PALS2: variants seen among roughly 807,000 people sequenced by gnomAD.
PALS2 encodes protein PALS2.
In PALS2, 27 loss-of-function variants were observed where a neutral mutation model predicts 61.6. The observed-to-expected ratio is 0.44, with a 90% confidence interval of 0.32 to 0.60. The LOEUF (loss-of-function observed/expected upper bound fraction) is 0.60, where lower values mean the gene tolerates loss of function less well. PALS2 is among the 20% of genes least tolerant of loss of function. The pLI is 0.05. For synonymous variants in PALS2, 236 were observed against 218.6 expected (o/e 1.08, Z -0.70); for missense variants, 554 against 639.4 (o/e 0.87, Z 1.44).
intron 5 of PALS2, among the ~76,000 whole-genome samples, chr7:24,662,275 CTAA>C (rs1458098662): frequency 4.6e-5 from 7 of 152,082 alleles, no homozygotes; most frequent in Admixed American, 2.0e-4. Flanking sequence ...TTTTACCACA[CTAA>C]TAATATAATA....
chr7:24,675,074 G>A, intron 9 of PALS2, among the ~76,000 whole-genome samples: 1 of 152,208 alleles, frequency 6.6e-6, no homozygotes, highest in African/African-American at 2.4e-5. Flanking sequence ...TTAAATATGT[G>A]GCAACGTAGA....
At chr7:24,617,860 C>G (rs1183055197) in intron 1 of PALS2, among the ~76,000 whole-genome samples, 1 of 152,116 alleles carries the variant, frequency 6.6e-6, no homozygotes, top group African/African-American at 2.4e-5. Flanking sequence ...GGCTTGGAGA[C>G]ACAATGCCTG....
intron 9 of PALS2, among the ~76,000 whole-genome samples, chr7:24,673,180 T>C (rs776291453): frequency 2.0e-5 from 3 of 152,204 alleles, no homozygotes; most frequent in Non-Finnish European, 4.4e-5. Context: ...TTTATTGTCT[T>C]CTATTGATAG....
At chr7:24,601,935 G>A (rs1016707906) in intron 1 of PALS2, among the ~76,000 whole-genome samples, 19 of 151,896 alleles carry the variant, frequency 1.3e-4, no homozygotes, top group Admixed American at 4.6e-4. Context: ...GTTTTGCTGG[G>A]TGCTCAGTGT....
chr7:24,603,828 A>G (rs1783799650), intron 1 of PALS2, among the ~76,000 whole-genome samples: 1 of 152,192 alleles, frequency 6.6e-6, no homozygotes, highest in East Asian at 1.9e-4. Context: ...GTCTAGACCA[A>G]TTATTTAAAA....
chr7:24,619,801 C>G (rs1327250058), intron 1 of PALS2, among the ~76,000 whole-genome samples: 1 of 151,440 alleles, frequency 6.6e-6, no homozygotes, highest in Non-Finnish European at 1.5e-5. Context: ...TTTATCTCCT[C>G]TAGTGATTAT....
chr7:24,659,767 G>A (rs1023302137), intron 5 of PALS2, among the ~76,000 whole-genome samples: 3 of 152,118 alleles, frequency 2.0e-5, no homozygotes, highest in African/African-American at 7.2e-5. Flanking sequence ...TACCATCATT[G>A]AGGAAAGAGC....
chr7:24,663,760 A>G, intron 6 of PALS2, 39 bp downstream of exon 6: 1 of 1,570,566 alleles, frequency 6.4e-7, no homozygotes, highest in South Asian at 1.1e-5. Context: ...CTACTTTTCT[A>G]ATTTTAATCT....
At chr7:24,681,303 T>C (rs1049849910) in intron 11 of PALS2, among the ~76,000 whole-genome samples, 1 of 152,208 alleles carries the variant, frequency 6.6e-6, no homozygotes, top group Non-Finnish European at 1.5e-5. Context: ...ATCGCCTAGC[T>C]TCAATAATCG....
At chr7:24,615,126 G>C (rs1416354345) in intron 1 of PALS2, among the ~76,000 whole-genome samples, 3 of 151,918 alleles carry the variant, frequency 2.0e-5, no homozygotes, top group Non-Finnish European at 4.4e-5. Flanking sequence ...CAAAACCTGT[G>C]AGATACAGCA....
chr7:24,584,643 C>A (rs1782986944), intron 1 of PALS2, among the ~76,000 whole-genome samples: 1 of 151,764 alleles, frequency 6.6e-6, no homozygotes, highest in Admixed American at 6.6e-5. Flanking sequence ...GTTTATTTTG[C>A]TGTGCAGAAG....
At chr7:24,597,682 G>A (rs1372938660) in intron 1 of PALS2, among the ~76,000 whole-genome samples, 1 of 152,188 alleles carries the variant, frequency 6.6e-6, no homozygotes, top group African/African-American at 2.4e-5. Flanking sequence ...ACAGGTAGTA[G>A]CCTTGTAGAG....
chr7:24,630,248 GTTTTC>G (rs1322076464), intron 2 of PALS2, among the ~76,000 whole-genome samples: 1 of 152,014 alleles, frequency 6.6e-6, no homozygotes, highest in Non-Finnish European at 1.5e-5. Flanking sequence ...AACACCGCAT[GTTTTC>G]TTTTAAGTGG....
intron 9 of PALS2, among the ~76,000 whole-genome samples, chr7:24,677,540 C>T (rs962084067): frequency 2.6e-5 from 4 of 151,106 alleles, no homozygotes; most frequent in Non-Finnish European, 4.4e-5. Flanking sequence ...TTTTGAGATA[C>T]GTCCCATCAA....
chr7:24,577,713 T>C lies in PALS2; in HGVS notation c.-3+4120T>C, dbSNP rs373652327. Among the ~76,000 whole-genome samples, 30 of 152,256 alleles carry C rather than the reference T, an allele frequency of 2.0e-4. No individual in the cohort carries two copies. The East Asian group carries it at 4.8e-3, about 25-fold the overall frequency. ...CCTAAATCATTACATGAGTGACTAC[T>C]TTTCATCATTTCATGTTGTAGTTCA... is the stretch of plus-strand genomic sequence containing the variant. On this transcript the variant is annotated intron_variant, in intron 1 of 11. Coordinates refer to ENST00000222644, the MANE Select transcript of PALS2 (RefSeq NM_001303037.2).
At chr7:24,678,350 T>C (rs79210963) in intron 9 of PALS2, among the ~76,000 whole-genome samples, 12,606 of 152,186 alleles carry the variant, frequency 0.083, 675 homozygotes, top group Admixed American at 0.12. Flanking sequence ...TTCCCAGAAA[T>C]AATATGTCAG....
Position 24,680,489 on chromosome 7 carries a change from T to C in PALS2, c.1415T>C (p.Val472Ala). ...ETLRAMHKAVVDAGITTKLLT... is the reference protein window; with the variant it reads ...ETLRAMHKAVADAGITTKLLT... ...TTACGTGCCATGCACAAGGCTGTGG[T>C]GGATGCAGGAATCACTACCAAGCTT... The change falls in exon 11 of 12, where the codon GTG (valine) becomes GCG (alanine). Residue 472 changes from valine to alanine, a missense_variant. By Grantham distance (64) the Val-to-Ala change is moderately conservative (BLOSUM62 0). Transcript: ENST00000222644. 1.2e-6 allele frequency: 2 copies of C among 1,614,084 alleles called. No homozygotes were observed. Among genetic ancestry groups the C allele is most frequent in the Non-Finnish European group, 1.7e-6 (2 of 1,179,936 alleles).
chr7:24,595,405 A>T (rs551467364), intron 1 of PALS2, among the ~76,000 whole-genome samples: 1,919 of 142,360 alleles, frequency 0.013, 57 homozygotes, highest in African/African-American at 0.047. Flanking sequence ...TATATATATA[A>T]AAAATATATA....
intron 1 of PALS2, among the ~76,000 whole-genome samples, chr7:24,606,601 G>GTT (rs200961041): frequency 2.0e-5 from 3 of 150,940 alleles, no homozygotes; most frequent in African/African-American, 4.9e-5. Flanking sequence ...ATTTAATTAG[G>GTT]TTTTTTTTTG....
Sources: allele counts gnomAD v4.1 joint callset (sites outside exome capture counted in the v4.1 genomes callset), GRCh38; gene constraint gnomAD v4.1.1; transcripts MANE v1.5; gene names NCBI Gene and HGNC (gene_info 2026-07-23, HGNC 2026-07-21).